SUGCT: variants seen among roughly 807,000 people sequenced by gnomAD.
The protein encoded by SUGCT is succinyl-CoA:glutarate CoA-transferase.
Under a neutral mutation model 55.0 loss-of-function variants are expected in SUGCT, and 41 were observed. That is an observed-to-expected ratio of 0.74 (90% confidence interval 0.58 to 0.97). The LOEUF is 0.97. Among genes scored for constraint, SUGCT ranks in the 50% least tolerant of loss-of-function variants. The probability of loss-of-function intolerance (pLI) is 0.00; values close to 1 mark genes in which losing one functional copy is unlikely to be tolerated. For synonymous variants in SUGCT, 187 were observed against 200.4 expected, an observed-to-expected ratio of 0.93 and a Z score of 0.56; for missense variants, 568 against 547.8, an observed-to-expected ratio of 1.04 and a Z score of -0.37.
At chr7:40,419,274 G>T (rs1393494653) in intron 9 of SUGCT, among the ~76,000 whole-genome samples, 1 of 152,116 alleles carries the variant, frequency 6.6e-6, no homozygotes, top group African/African-American at 2.4e-5. Flanking sequence ...CTAGTGCAAT[G>T]AGAGATCTGA....
intron 8 of SUGCT, among the ~76,000 whole-genome samples, chr7:40,288,544 T>C (rs1793503372): frequency 6.6e-6 from 1 of 152,088 alleles, no homozygotes; most frequent in Non-Finnish European, 1.5e-5. Flanking sequence ...ATTTCCAGAG[T>C]TTTCAAAAAT....
chr7:40,322,992 T>TAAAATAAAATA (rs1322474606), intron 9 of SUGCT, among the ~76,000 whole-genome samples: 2 of 152,054 alleles, frequency 1.3e-5, no homozygotes, highest in South Asian at 4.2e-4. Flanking sequence ...TAAAATAAAA[T>TAAAATAAAATA]AAACTACTAC....
chr7:41,009,529 TCCATCCATCCTTCCTTCCATCCA>T, the SUGCT span, among the ~76,000 whole-genome samples: 37 of 150,682 alleles, frequency 2.5e-4, no homozygotes, highest in South Asian at 7.2e-3. Context: ...CCATCCACCA[TCCATCCATCCTTCCTTCCATCCA>T]CCATCCATCC....
intron 13 of SUGCT, among the ~76,000 whole-genome samples, chr7:40,847,411 C>CTTTTTTTTTTTTTTTTTTTT (rs981613426): frequency 2.7e-5 from 2 of 75,398 alleles, no homozygotes; most frequent in Non-Finnish European, 5.0e-5. Flanking sequence ...TTCTTTCTTT[C>CTTTTTTTTTTTTTTTTTTTT]TTTTTTTTTT....
intron 8 of SUGCT, among the ~76,000 whole-genome samples, chr7:40,284,445 TA>T (rs1234322853): frequency 6.6e-6 from 1 of 151,466 alleles, no homozygotes; most frequent in African/African-American, 2.4e-5. Flanking sequence ...CCGTCTCTAC[TA>T]AAAATACAAA....
At chr7:40,252,752 A>G (rs1790514384) in intron 7 of SUGCT, among the ~76,000 whole-genome samples, 1 of 152,088 alleles carries the variant, frequency 6.6e-6, no homozygotes, top group South Asian at 2.1e-4. Context: ...GGCTCAAAGG[A>G]TCCTCCCACC....
intron 12 of SUGCT, among the ~76,000 whole-genome samples, chr7:40,741,568 A>G (rs1787464058): frequency 6.6e-6 from 1 of 152,222 alleles, no homozygotes; most frequent in Non-Finnish European, 1.5e-5. Context: ...ACAAGTGAAG[A>G]TATATTTAAC....
At chr7:40,135,974 C>A (rs946940492) in intron 1 of SUGCT, among the ~76,000 whole-genome samples, 2 of 146,120 alleles carry the variant, frequency 1.4e-5, no homozygotes, top group Non-Finnish European at 3.0e-5. Context: ...CACTATGAAT[C>A]TTGAAATTAG....
intron 12 of SUGCT, among the ~76,000 whole-genome samples, chr7:40,663,665 G>A (rs191475669): frequency 6.6e-6 from 1 of 152,126 alleles, no homozygotes; most frequent in East Asian, 1.9e-4. Context: ...CCCACCTGCT[G>A]GTTGTCCCTT....
intron 9 of SUGCT, among the ~76,000 whole-genome samples, chr7:40,385,696 G>A (rs1785085322): frequency 7.2e-6 from 1 of 138,650 alleles, no homozygotes; most frequent in Non-Finnish European, 1.6e-5. Context: ...CATTTTTAGG[G>A]AAAGGTGGTA....
intron 8 of SUGCT, among the ~76,000 whole-genome samples, chr7:40,296,131 G>A (rs1315352230): frequency 6.6e-6 from 1 of 152,178 alleles, no homozygotes; most frequent in Admixed American, 6.5e-5. Context: ...GGTTGGTCTT[G>A]TCTGAATTTA....
chr7:40,247,915 T>A (rs1193849766), intron 7 of SUGCT, among the ~76,000 whole-genome samples: 1 of 152,190 alleles, frequency 6.6e-6, no homozygotes, highest in Non-Finnish European at 1.5e-5. Context: ...ATGGTTAATG[T>A]GTTTTATGTC....
At chr7:40,485,320 T>C in intron 11 of SUGCT, among the ~76,000 whole-genome samples, 1 of 151,800 alleles carries the variant, frequency 6.6e-6, no homozygotes, top group East Asian at 1.9e-4. Flanking sequence ...AGACAATGAC[T>C]TTGAAGGAAT....
intron 7 of SUGCT, 121 bp from the exon 8 acceptor site, chr7:40,274,392 T>C (rs1792321725): frequency 2.1e-6 from 2 of 958,480 alleles, no homozygotes; most frequent in South Asian, 1.9e-5. Context: ...TTCTTGTGTG[T>C]ATGTGTCTGC....
chr7:40,350,266 C>A (rs1797545929), intron 9 of SUGCT, among the ~76,000 whole-genome samples: 1 of 148,862 alleles, frequency 6.7e-6, no homozygotes, highest in South Asian at 2.1e-4. Context: ...GAATCATACT[C>A]ATTACTATAT....
At chr7:40,502,888 T>C (rs1486585308) in intron 12 of SUGCT, among the ~76,000 whole-genome samples, 1 of 152,168 alleles carries the variant, frequency 6.6e-6, no homozygotes, top group Non-Finnish European at 1.5e-5. Flanking sequence ...AGTATTTGCT[T>C]TGAAGGCATA....
At chr7:40,609,562 A>AC (rs1180547759) in intron 12 of SUGCT, among the ~76,000 whole-genome samples, 34 of 152,024 alleles carry the variant, frequency 2.2e-4, no homozygotes, top group African/African-American at 8.0e-4. Flanking sequence ...AAAAAAAAAA[A>AC]AAAAGAAAAA....
intron 11 of SUGCT, among the ~76,000 whole-genome samples, chr7:40,465,499 A>T (rs1184675181): frequency 6.6e-6 from 1 of 152,044 alleles, no homozygotes; most frequent in East Asian, 1.9e-4. Flanking sequence ...AATCCCAGCT[A>T]CTCGAGAAGC....
the SUGCT span, among the ~76,000 whole-genome samples, chr7:40,914,647 C>G: frequency 6.6e-6 from 1 of 152,118 alleles, no homozygotes; most frequent in African/African-American, 2.4e-5. Flanking sequence ...ACTGAGAACC[C>G]CTATTCACAG....
Sources: gnomAD v4.1 joint callset for allele counts (sites outside exome capture counted in the v4.1 genomes callset) on GRCh38, gnomAD v4.1.1 for gene constraint, MANE v1.5 for transcripts, NCBI Gene and HGNC (gene_info 2026-07-23, HGNC 2026-07-21) for gene names.